Variants in RAB36 observed in about 807,000 individuals in gnomAD.
The protein encoded by RAB36 is RAB36, member RAS oncogene family, also known as ras-related protein Rab-36.
Under a neutral mutation model 39.3 loss-of-function variants are expected in RAB36, and 33 were observed. That is an observed-to-expected ratio of 0.84 (90% confidence interval 0.64 to 1.12). The LOEUF is 1.12. Among genes scored for constraint, RAB36 ranks in the 50% most tolerant of loss-of-function variants. The probability of loss-of-function intolerance (pLI) is 0.00; values close to 1 mark genes in which losing one functional copy is unlikely to be tolerated. For synonymous variants in RAB36, 133 were observed against 140.2 expected, an observed-to-expected ratio of 0.95 and a Z score of 0.36; for missense variants, 308 against 355.3, an observed-to-expected ratio of 0.87 and a Z score of 1.07.
intron 2 of RAB36, among the ~76,000 whole-genome samples, chr22:23,148,597 C>T (rs975972463): frequency 1.3e-5 from 2 of 152,194 alleles, no homozygotes; most frequent in African/African-American, 4.8e-5. Context: ...GGGATCAAGG[C>T]CACTGCTGGT....
chr22:23,153,064 A>G lies in RAB36; in HGVS notation c.259A>G (p.Lys87Glu). 1 of 1,614,114 alleles carries G rather than the reference A, an allele frequency of 6.2e-7. No individual in the cohort carries two copies. The highest frequency in any genetic ancestry group is 8.5e-7 in the Non-Finnish European group (1 of 1,179,980). ...CAAGAATGTTTTTGATCGAGACTAC[A>G]AGGCCACCATTGGGGTGGACTTTGA... ...FCKNVFDRDY[K>E]ATIGVDFEIE... The change falls in exon 5 of 11, where the codon AAG becomes GAG. Residue 87 changes from lysine (K) to glutamate (E), a missense_variant. Transcript: ENST00000263116.
rs906778545 is a variant in RAB36, at chr22:23,156,746, C to T, written c.394+714C>T. On this transcript the variant is annotated intron_variant, in intron 6 of 10. Coordinates refer to ENST00000263116, the MANE Select transcript of RAB36 (RefSeq NM_004914.5). ...AAAATAGGAAACAAACCAGGCAGCC[C>T]TCAGCCGTGGGTTGGAGCTCCAGCT... Among the ~76,000 whole-genome samples, 65 of 152,222 alleles carry T rather than the reference C, an allele frequency of 4.3e-4. 1 individual carries two copies. The highest frequency in any genetic ancestry group is 1.4e-3 in the African/African-American group (56 of 41,452).
chr22:23,146,812 TGAG>T, intron 2 of RAB36, 127 bp downstream of exon 2: 1 of 1,417,756 alleles, frequency 7.1e-7, no homozygotes, highest in Non-Finnish European at 9.2e-7. Flanking sequence ...AGATTTACCT[TGAG>T]GAGCTGGGAG....
intron 6 of RAB36, among the ~76,000 whole-genome samples, chr22:23,157,343 C>T (rs1215889014): frequency 2.0e-5 from 3 of 152,062 alleles, no homozygotes; most frequent in South Asian, 2.1e-4. Flanking sequence ...CTCCGCCTCC[C>T]GCATTCACAA....
intron 2 of RAB36, among the ~76,000 whole-genome samples, chr22:23,147,304 C>T (rs1433234619): frequency 1.3e-5 from 2 of 152,074 alleles, no homozygotes; most frequent in African/African-American, 4.8e-5. Context: ...GAAGATGACC[C>T]TGCCCTCTAA....
At chr22:23,150,694 C>A (rs372755850) in intron 3 of RAB36, among the ~76,000 whole-genome samples, 1 of 152,164 alleles carries the variant, frequency 6.6e-6, no homozygotes, top group African/African-American at 2.4e-5. Context: ...TTTTCAGCCT[C>A]AGGTCTTGGT....
intron 9 of RAB36, 140 bp from the exon 10 acceptor site, chr22:23,160,739 G>T: frequency 8.4e-7 from 1 of 1,192,684 alleles, no homozygotes. Context: ...GTGCCCTCCT[G>T]GGGTCATTGT....
chr22:23,168,390 G>A (rs1243271271), downstream of RAB36, among the ~76,000 whole-genome samples: 1 of 152,172 alleles, frequency 6.6e-6, no homozygotes, highest in Non-Finnish European at 1.5e-5. Context: ...GAGAAGACAT[G>A]TGGGGGGTTT....
At position 23,162,782 on chromosome 22, in the gene RAB36, G is replaced by C. The variant is rs375130209; in HGVS notation, c.*1218G>C. 2.2e-6 allele frequency: 1 copy of C among 456,060 alleles called. No homozygotes were observed. Among genetic ancestry groups the C allele is most frequent in the Admixed American group, 2.3e-5 (1 of 42,584 alleles). 28.3% of individuals were successfully genotyped at this position (456,060 alleles called of 1,614,324 possible). On this transcript the variant is annotated 3_prime_UTR_variant, in exon 11 of 11. Transcript: ENST00000263116. ...TTCTGATCAGTACTGCTCTCCTAGG[G>C]CCTGGCACACTGCAGCTGCCCTGTA... is the stretch of plus-strand genomic sequence containing the variant.
upstream of RAB36, chr22:23,145,433 C>T: frequency 6.2e-7 from 1 of 1,610,740 alleles, no homozygotes. Context: ...ACCCCGCCCA[C>T]GACGTCGACG....
intron 5 of RAB36, among the ~76,000 whole-genome samples, chr22:23,154,052 T>C (rs2071319248): frequency 6.6e-6 from 1 of 151,970 alleles, no homozygotes; most frequent in South Asian, 2.1e-4. Flanking sequence ...CCACTGGCCT[T>C]ACCCCTTCCC....
chr22:23,165,853 G>C (rs1394704626), downstream of RAB36, among the ~76,000 whole-genome samples: 1 of 152,086 alleles, frequency 6.6e-6, no homozygotes, highest in African/African-American at 2.4e-5. Flanking sequence ...TTTCTAAAAA[G>C]GACTGTTTCC....
chr22:23,147,878 A>G (rs1179232784), intron 2 of RAB36, among the ~76,000 whole-genome samples: 1 of 152,262 alleles, frequency 6.6e-6, no homozygotes, highest in Non-Finnish European at 1.5e-5. Flanking sequence ...AATGCAGGGC[A>G]TGGAACAGAG....
intron 1 of RAB36, 43 bp downstream of exon 1, chr22:23,145,594 A>C: frequency 6.4e-7 from 1 of 1,568,330 alleles, no homozygotes; most frequent in Non-Finnish European, 8.6e-7. Context: ...CCGGTCACCC[A>C]ACCCCGTGCT....
At chr22:23,157,204 A>G (rs1440025411) in intron 6 of RAB36, among the ~76,000 whole-genome samples, 2 of 151,066 alleles carry the variant, frequency 1.3e-5, no homozygotes, top group African/African-American at 4.9e-5. Context: ...GCTAACCATC[A>G]CTGCTGTAGC....
In RAB36 at chr22:23,146,596, G is replaced by A; in HGVS notation, c.-12-9G>A. ...TCCTTAACTGTCTTTCTCCTGGTTG[G>A]GTCCACAGGACTGTGGAAGAATGAG... On this transcript the variant is annotated splice_polypyrimidine_tract_variant and intron_variant, in intron 1 of 10. Coordinates refer to ENST00000263116, the MANE Select transcript of RAB36 (RefSeq NM_004914.5). The A allele has an allele frequency of 6.2e-7, 1 of 1,613,068 alleles. No individual in the cohort carries two copies. The highest frequency in any genetic ancestry group is 8.5e-7 in the Non-Finnish European group (1 of 1,179,516).
chr22:23,145,932 C>G (rs1260507536), intron 1 of RAB36: 1 of 974,592 alleles, frequency 1.0e-6, no homozygotes, highest in Admixed American at 6.2e-5. Context: ...GGCCCCCAGG[C>G]CCACCTAGAG....
upstream of RAB36, chr22:23,145,389 G>A: frequency 6.2e-7 from 1 of 1,608,664 alleles, no homozygotes; most frequent in Non-Finnish European, 8.5e-7. Context: ...GTGCAAGCTG[G>A]ATGCTTGGAC....
chr22:23,146,636 C>T lies in RAB36; in HGVS notation c.20C>T (p.Pro7Leu). Residue 7 changes from proline (P) to leucine (L), a missense_variant, in exon 2 of 11, where the codon CCT (proline) becomes CTT (leucine). By Grantham distance (98) the Pro-to-Leu change is moderately conservative. Coordinates refer to ENST00000263116, the MANE Select transcript of RAB36 (RefSeq NM_004914.5). ...GGAAGAATGAGGTCCTCCCTGACAC[C>T]TTTGGGGCCCCCTGTGAGCCGCGAC... is the stretch of plus-strand genomic sequence containing the variant. MRSSLTPLGPPVSRDRV... is the reference protein window; with the variant it reads MRSSLTLLGPPVSRDRV... The T allele has an allele frequency of 6.2e-6, 10 of 1,614,078 alleles. No homozygotes were observed. The highest frequency in any genetic ancestry group is 8.5e-6 in the Non-Finnish European group (10 of 1,179,952).
Sources: allele counts gnomAD v4.1 joint callset (sites outside exome capture counted in the v4.1 genomes callset), GRCh38; gene constraint gnomAD v4.1.1; transcripts MANE v1.5; gene names NCBI Gene and HGNC (gene_info 2026-07-23, HGNC 2026-07-21).